The following FDFT1 variants were observed in gnomAD, a reference collection of about 807,000 sequenced individuals.
FDFT1 encodes squalene synthase.
FDFT1 carries 68 observed loss-of-function variants against 46.8 expected under a neutral mutation model. The observed-to-expected ratio is 1.45, with a 90% CI of 1.19 to 1.78. The LOEUF (loss-of-function observed/expected upper bound fraction) is 1.78, where lower values mean the gene tolerates loss of function less well. Among genes scored for constraint, FDFT1 ranks in the 40% most tolerant of loss-of-function variants. The pLI, the probability that FDFT1 is intolerant of heterozygous loss-of-function variation, is 0.00. For missense variants in FDFT1, 928 were observed against 524.4 expected (o/e 1.77, Z -7.52); for synonymous variants, 351 against 185.1 (o/e 1.90, Z -7.28).
At chr8:11,835,251 T>C (rs976250471) in intron 7 of FDFT1, among the ~76,000 whole-genome samples, 6 of 152,162 alleles carry the variant, frequency 3.9e-5, no homozygotes, top group Non-Finnish European at 8.8e-5. Context: ...ACCTGAATAA[T>C]TGAGTTTGCA....
intron 1 of FDFT1, among the ~76,000 whole-genome samples, chr8:11,805,125 C>T (rs748314585): frequency 6.6e-6 from 1 of 151,798 alleles, no homozygotes; most frequent in African/African-American, 2.4e-5. Context: ...CTGCATTGCC[C>T]AGGCTGGTCT....
At chr8:11,818,014 C>G (rs1466416207) in intron 3 of FDFT1, among the ~76,000 whole-genome samples, 4 of 152,156 alleles carry the variant, frequency 2.6e-5, no homozygotes, top group African/African-American at 7.2e-5. Context: ...ATAAATTTCC[C>G]TCTACACACT....
rs201072068 is a variant in FDFT1 at position 11,809,731 on chromosome 8, A to G, written c.262A>G (p.Ile88Val). ...ALDTLEDDMT[I>V]SVEKKVPLLH... ...GGACACACTGGAAGATGACATGACC[A>G]TCAGTGTGGAAAAGAAGGTCCCGCT... The change falls in exon 3 of 8, where the codon ATC (isoleucine) becomes GTC (valine). Residue 88 changes from isoleucine to valine, a missense_variant. Ile to Val is a conservative substitution (Grantham distance 29). Transcript: ENST00000220584. The G allele has an allele frequency of 5.0e-6, 8 of 1,614,060 alleles. No individual in the cohort carries two copies. Among genetic ancestry groups the G allele is most frequent in the African/African-American group, 1.3e-5 (1 of 75,050 alleles).
intron 7 of FDFT1, among the ~76,000 whole-genome samples, chr8:11,835,971 T>TACAAAAAA (rs1811479568): frequency 1.5e-5 from 1 of 64,608 alleles, no homozygotes; most frequent in Non-Finnish European, 3.0e-5. Context: ...CTGTCTCTAC[T>TACAAAAAA]AAAAAAAAAA....
At chr8:11,834,575 A>G (rs1404238557) in intron 7 of FDFT1, among the ~76,000 whole-genome samples, 1 of 151,644 alleles carries the variant, frequency 6.6e-6, no homozygotes, top group African/African-American at 2.4e-5. Context: ...CCATTAAGAC[A>G]TCCAGCCCCC....
chr8:11,829,269 C>G (rs796412910), intron 5 of FDFT1, among the ~76,000 whole-genome samples: 6 of 152,346 alleles, frequency 3.9e-5, no homozygotes, highest in African/African-American at 1.2e-4. Context: ...GCATTAAGTA[C>G]ATTAATGATG....
chr8:11,833,238 G>GCACA (rs1306760612), intron 7 of FDFT1, among the ~76,000 whole-genome samples: 26 of 152,292 alleles, frequency 1.7e-4, no homozygotes, highest in African/African-American at 6.3e-4. Flanking sequence ...TGTGCCTGGG[G>GCACA]TAGTGACCAA....
chr8:11,799,683 C>G (rs1054047342), upstream of FDFT1, among the ~76,000 whole-genome samples: 37 of 151,440 alleles, frequency 2.4e-4, no homozygotes, highest in African/African-American at 8.2e-4. Context: ...AGCCGTGGCT[C>G]ACGCCTGTAA....
At chr8:11,806,049 A>G (rs1806785723) in intron 1 of FDFT1, among the ~76,000 whole-genome samples, 1 of 152,124 alleles carries the variant, frequency 6.6e-6, no homozygotes, top group African/African-American at 2.4e-5. Flanking sequence ...GGAGAAATCT[A>G]TTCTATTTTA....
At position 11,802,821 on chromosome 8, in the gene FDFT1, G is replaced by A; in HGVS notation, c.-12G>A. Reference sequence around the variant, plus strand: ...TGAGAGTCGCGCCCGGGAGTCCGCCGCCTGCGCCAGGATGGAGTTCGTGAA... The same window carrying A: ...TGAGAGTCGCGCCCGGGAGTCCGCCACCTGCGCCAGGATGGAGTTCGTGAA... On this transcript the variant is annotated 5_prime_UTR_variant, in exon 1 of 8. Coordinates refer to ENST00000220584, the MANE Select transcript of FDFT1 (RefSeq NM_004462.5). The A allele has an allele frequency of 9.4e-6, 15 of 1,602,132 alleles. No homozygotes were observed. Among genetic ancestry groups the A allele is most frequent in the Non-Finnish European group, 1.2e-5 (14 of 1,173,408 alleles).
chr8:11,809,124 G>GT, intron 2 of FDFT1: 1 of 1,323,202 alleles, frequency 7.6e-7, no homozygotes, highest in Non-Finnish European at 9.7e-7. Context: ...AGGGGGTGAT[G>GT]TTTATTAACT....
intron 1 of FDFT1, chr8:11,803,435 C>G (rs1806404489): frequency 1.6e-6 from 2 of 1,286,404 alleles, no homozygotes; most frequent in African/African-American, 1.5e-5. Flanking sequence ...TCGGTGCTTC[C>G]TGAGTTTTAA....
At chr8:11,822,243 A>G (rs1809352916) in intron 4 of FDFT1, among the ~76,000 whole-genome samples, 1 of 152,176 alleles carries the variant, frequency 6.6e-6, no homozygotes, top group Non-Finnish European at 1.5e-5. Flanking sequence ...CTGTGGAAGT[A>G]AAGACATTTT....
chr8:11,825,507 T>C (rs950907625), intron 4 of FDFT1, among the ~76,000 whole-genome samples: 1 of 140,596 alleles, frequency 7.1e-6, no homozygotes, highest in Admixed American at 7.7e-5. Context: ...GCCAGTGCAC[T>C]CCAGCCCAGG....
At chr8:11,817,184 G>A (rs1443900755) in intron 3 of FDFT1, among the ~76,000 whole-genome samples, 1 of 152,154 alleles carries the variant, frequency 6.6e-6, no homozygotes, top group African/African-American at 2.4e-5. Context: ...ATTGATTTGT[G>A]TATGTTGAAC....
intron 3 of FDFT1, among the ~76,000 whole-genome samples, chr8:11,812,451 G>T (rs1166663651): frequency 6.6e-6 from 1 of 152,204 alleles, no homozygotes; most frequent in Non-Finnish European, 1.5e-5. Flanking sequence ...CAGTGCTGGA[G>T]AGAGCGGGAT....
chr8:11,802,367 C>A (rs572565687), upstream of FDFT1: 2 of 450,510 alleles, frequency 4.4e-6, no homozygotes, highest in African/African-American at 4.0e-5. Flanking sequence ...GCACTGCTCT[C>A]CCGACTGCGG....
chr8:11,822,479 A>G (rs796731082), intron 4 of FDFT1, among the ~76,000 whole-genome samples: 5 of 152,300 alleles, frequency 3.3e-5, no homozygotes, highest in African/African-American at 1.2e-4. Context: ...GTGCTTCCTA[A>G]GTTAACAGCA....
chr8:11,824,701 A>G (rs1435969333), intron 4 of FDFT1, among the ~76,000 whole-genome samples: 6 of 152,226 alleles, frequency 3.9e-5, no homozygotes, highest in South Asian at 2.1e-4. Flanking sequence ...ACCTGATACA[A>G]TGTTTGTGAG....
Sources: gnomAD v4.1 joint callset for allele counts (sites outside exome capture counted in the v4.1 genomes callset) on GRCh38, gnomAD v4.1.1 for gene constraint, MANE v1.5 for transcripts, NCBI Gene and HGNC (gene_info 2026-07-23, HGNC 2026-07-21) for gene names.